The following FPGS variants were observed in gnomAD, a reference collection of about 807,000 sequenced individuals.
The protein encoded by FPGS is folylpolyglutamate synthase.
Under a neutral mutation model 66.5 loss-of-function variants are expected in FPGS, and 53 were observed. That is an observed-to-expected ratio of 0.80 (90% confidence interval 0.64 to 1.00). The LOEUF is 1.00. Among genes scored for constraint, FPGS ranks in the 50% least tolerant of loss-of-function variants. The pLI, the probability that FPGS is intolerant of heterozygous loss-of-function variation, is 0.00. For synonymous variants in FPGS, 348 were observed against 350.9 expected (o/e 0.99, Z 0.09); for missense variants, 702 against 807.7 (o/e 0.87, Z 1.59).
Position 127,813,867 on chromosome 9 carries a change from CCCAACACCCCGCCTGCCTCCT to C in FPGS, c.*264_*284del. 8.2e-7 allele frequency: 1 copy of C among 1,219,810 alleles called. No homozygotes were observed. Among genetic ancestry groups the C allele is most frequent in the African/African-American group, 1.6e-5 (1 of 64,064 alleles). The allele number at this position is 1,219,810 out of a possible 1,614,324, so 75.6% of individuals were successfully genotyped here. On this transcript the variant is annotated 3_prime_UTR_variant, in exon 15 of 15. Transcript: ENST00000373247. ...TGGCCTGGCCGTTCAGCCTGTCTCC[CCCAACACCCCGCCTGCCTCCT>C]GGCTCAGGCCCAGCTTATTGTGTGC... is the stretch of plus-strand genomic sequence containing the variant.
In FPGS at chr9:127,807,732, G is replaced by A. The variant is rs1163314739; in HGVS notation, c.744+44G>A. The stretch of plus-strand genomic sequence containing the variant: ...GGAAGGGAGAGACATGGAAGGCCTG[G>A]GAGTCTACGTTTTCATCCTGGCTTC... On this transcript the variant is annotated intron_variant, in intron 8 of 14. Coordinates refer to ENST00000373247, the MANE Select transcript of FPGS (RefSeq NM_004957.6). This position sits in a 1 kb window ranked among gnomAD's most constrained non-coding sequence, Gnocchi z 5.8. The A allele has an allele frequency of 2.3e-6, 3 of 1,292,690 alleles. No homozygotes were observed. Among genetic ancestry groups the A allele is most frequent in the Non-Finnish European group, 3.2e-6 (3 of 927,466 alleles). The allele number at this position is 1,292,690 out of a possible 1,614,324, so 80.1% of individuals were successfully genotyped here. A position where few individuals can be genotyped will look rare whatever the true frequency, so the allele number is the denominator to read the frequency against.
At chr9:127,809,995 G>A (rs1041781705) in intron 12 of FPGS, 36 bp from the exon 13 acceptor site, 6 of 1,584,322 alleles carry the variant, frequency 3.8e-6, no homozygotes, top group African/African-American at 1.3e-5. Flanking sequence ...GAGAACGGGC[G>A]GCGCCCTTTG....
In FPGS at chr9:127,807,256, C is replaced by G. The variant is rs747385141; in HGVS notation, c.549C>G (p.Leu183=). The change falls in exon 6 of 15, where the codon CTC becomes CTG. Residue 183 remains leucine, a synonymous_variant. Transcript: ENST00000373247. This position sits in a 1 kb window ranked among gnomAD's most constrained non-coding sequence, Gnocchi z 5.8. ...CCCCCTACTTCCGCTTCCTGACACT[C>G]ATGGCCTTCCACGTCTTCCTCCAAG... ...SMPPYFRFLT[L]MAFHVFLQEK... 2 of 1,614,088 alleles carry G rather than the reference C, an allele frequency of 1.2e-6. No homozygotes were observed. Among genetic ancestry groups the G allele is most frequent in the East Asian group, 4.5e-5 (2 of 44,890 alleles).
In FPGS at chr9:127,804,563, G is replaced by A; in HGVS notation, c.321+11G>A. 1 of 1,614,224 alleles carries A rather than the reference G, an allele frequency of 6.2e-7. No individual in the cohort carries two copies. ...GGGACGAAGGGGAAGGTGAGGGGCA[G>A]GACCCTGGGGTAGGGGGTCTATTAA... On this transcript the variant is annotated intron_variant, in intron 3 of 14. Transcript: ENST00000373247.
rs1829663801 is a variant in FPGS, at chr9:127,803,031, C to G, written c.107C>G (p.Pro36Arg). 1 of 1,453,688 alleles carries G rather than the reference C, an allele frequency of 6.9e-7. No individual in the cohort carries two copies. The allele number at this position is 1,453,688 out of a possible 1,614,324, so 90.0% of individuals were successfully genotyped here. A position where few individuals can be genotyped will look rare whatever the true frequency, so the allele number is the denominator to read the frequency against. ...VAARRGLSAW[P>R]VPQEPSMEYQ... ...GCGCGGCGGGGCTTGAGCGCGTGGC[C>G]GGTGCCGCAGGAGCCGAGCATGGAG... The change falls in exon 1 of 15, where the codon CCG (proline) becomes CGG (arginine). Residue 36 changes from proline to arginine, a missense_variant. Physicochemically the swap from Pro to Arg is moderately radical, Grantham distance 103. Transcript: ENST00000373247.
At position 127,813,861 on chromosome 9, in the gene FPGS, G is replaced by A; in HGVS notation, c.*257G>A. On this transcript the variant is annotated 3_prime_UTR_variant, in exon 15 of 15. Transcript: ENST00000373247. ...TTGCAGTGGCCTGGCCGTTCAGCCT[G>A]TCTCCCCCAACACCCCGCCTGCCTC... is the stretch of plus-strand genomic sequence containing the variant. The A allele has an allele frequency of 1.6e-6, 2 of 1,225,622 alleles. No homozygotes were observed. Among genetic ancestry groups the A allele is most frequent in the Non-Finnish European group, 2.0e-6 (2 of 984,340 alleles). The allele number at this position is 1,225,622 out of a possible 1,614,324, so 75.9% of individuals were successfully genotyped here.
At chr9:127,811,082 C>T (rs542854218) in intron 14 of FPGS, 71 bp downstream of exon 14, 30 of 854,286 alleles carry the variant, frequency 3.5e-5, no homozygotes, top group Non-Finnish European at 3.7e-6. Context: ...GGCTTCCAAA[C>T]TGGAGGTTTG....
At chr9:127,803,680 G>A (rs1169989095) in intron 1 of FPGS, among the ~76,000 whole-genome samples, 1 of 152,158 alleles carries the variant, frequency 6.6e-6, no homozygotes, top group Non-Finnish European at 1.5e-5. Flanking sequence ...GAGGTCCTGA[G>A]GGTGGGAGGC....
intron 11 of FPGS, 36 bp downstream of exon 11, chr9:127,808,925 CGT>C (rs1829946201): frequency 8.0e-7 from 1 of 1,250,084 alleles, no homozygotes; most frequent in Admixed American, 2.2e-5. Flanking sequence ...GGGACCACTG[CGT>C]GTGTCTGTGC....
At chr9:127,812,774 G>T (rs962044582) in intron 14 of FPGS, among the ~76,000 whole-genome samples, 2 of 152,006 alleles carry the variant, frequency 1.3e-5, no homozygotes, top group East Asian at 3.9e-4. Context: ...TGATCCGCCC[G>T]CCTCGGCCTC....
intron 4 of FPGS, 151 bp downstream of exon 4, chr9:127,804,851 A>C: frequency 1.4e-6 from 1 of 723,668 alleles, no homozygotes; most frequent in East Asian, 2.5e-5. Flanking sequence ...ACATTCAGTT[A>C]GCACTTACCA....
Position 127,813,782 on chromosome 9 carries a change from GTC to G in FPGS, c.*183_*184del. On this transcript the variant is annotated 3_prime_UTR_variant, in exon 15 of 15. Transcript: ENST00000373247. ...GTCTTTTTTAAGGCTCTGTGCCTTG[GTC>G]TCTCCTTCCTCTTGGCTGAGATAGC... The G allele has an allele frequency of 7.7e-7, 1 of 1,294,994 alleles. No individual in the cohort carries two copies. Among genetic ancestry groups the G allele is most frequent in the Non-Finnish European group, 9.7e-7 (1 of 1,027,560 alleles). The allele number at this position is 1,294,994 out of a possible 1,614,324, so 80.2% of individuals were successfully genotyped here. A position where few individuals can be genotyped will look rare whatever the true frequency, so the allele number is the denominator to read the frequency against.
chr9:127,807,565 T>C lies in FPGS; in HGVS notation c.642-21T>C, dbSNP rs745678309. On this transcript the variant is annotated intron_variant, in intron 7 of 14. Coordinates refer to ENST00000373247, the MANE Select transcript of FPGS (RefSeq NM_004957.6). The surrounding 1 kb of genome is among the most constrained non-coding windows in gnomAD (Gnocchi z 5.8). ...CCTGGTGGCTCAGGGCAGGGCCTCA[T>C]GGCCTTTTCCTCCCCTGCAGGAAGC... 3.7e-6 allele frequency: 6 copies of C among 1,612,704 alleles called. No individual in the cohort carries two copies. The highest frequency in any genetic ancestry group is 1.7e-5 in the Admixed American group (1 of 59,808).
At chr9:127,805,831 CT>C (rs1829785614) in intron 4 of FPGS, among the ~76,000 whole-genome samples, 1 of 152,190 alleles carries the variant, frequency 6.6e-6, no homozygotes, top group Non-Finnish European at 1.5e-5. Flanking sequence ...GCAGCGCCCC[CT>C]CTTGGTCTCA....
rs377363236 is a variant in FPGS at position 127,807,014 on chromosome 9, A to G, written c.428A>G (p.Asn143Ser). 2.2e-4 allele frequency: 349 copies of G among 1,614,150 alleles called. 1 individual carries two copies. Among genetic ancestry groups the G allele is most frequent in the Non-Finnish European group, 2.7e-4 (314 of 1,180,010 alleles). ...CAGGTTCGGGAGCGGATCCGCATCA[A>G]TGGGCAGCCCATCAGTCCTGAGCTC... ...LVQVRERIRI[N>S]GQPISPELFT... is the part of the protein sequence containing the mutation. The change falls in exon 5 of 15, where the codon AAT becomes AGT. Residue 143 changes from asparagine (N) to serine (S), a missense_variant. Asn to Ser is a conservative substitution (Grantham distance 46). Around this residue, in one of 3 missense-constraint regions of FPGS, gnomAD observed 240 missense variants for 348.6 expected, o/e 0.69. Coordinates refer to ENST00000373247, the MANE Select transcript of FPGS (RefSeq NM_004957.6). The surrounding 1 kb of genome is among the most constrained non-coding windows in gnomAD (Gnocchi z 5.8).
At chr9:127,804,880 G>T in intron 4 of FPGS, 180 bp downstream of exon 4, 1 of 616,596 alleles carries the variant, frequency 1.6e-6, no homozygotes, top group Non-Finnish European at 2.9e-6. Flanking sequence ...CATGTTTATG[G>T]CAACCTTTAA....
Position 127,807,633 on chromosome 9 carries a change from G to A in FPGS, c.689G>A (p.Ser230Asn). 2 of 1,606,332 alleles carry A rather than the reference G, an allele frequency of 1.2e-6. No homozygotes were observed. The highest frequency in any genetic ancestry group is 1.7e-6 in the Non-Finnish European group (2 of 1,177,882). Reference protein sequence around the residue: ...GVSSLGIDHTSLLGDTVEKIA... With the variant: ...GVSSLGIDHTNLLGDTVEKIA... Reference sequence around the variant, plus strand: ...TCCTCTCTTGGCATCGACCACACCAGCCTCCTGGGGGATACGGTGGAGAAG... The same window carrying A: ...TCCTCTCTTGGCATCGACCACACCAACCTCCTGGGGGATACGGTGGAGAAG... The change falls in exon 8 of 15, where the codon AGC (serine) becomes AAC (asparagine). Residue 230 changes from serine to asparagine, a missense_variant. Around this residue, in one of 3 missense-constraint regions of FPGS, gnomAD observed 240 missense variants for 348.6 expected, o/e 0.69. Coordinates refer to ENST00000373247, the MANE Select transcript of FPGS (RefSeq NM_004957.6). The surrounding 1 kb of genome is among the most constrained non-coding windows in gnomAD (Gnocchi z 5.8).
In FPGS at chr9:127,813,754, G is replaced by A. The variant is rs1055170779; in HGVS notation, c.*150G>A. The A allele has an allele frequency of 7.6e-7, 1 of 1,310,732 alleles. No individual in the cohort carries two copies. The highest frequency in any genetic ancestry group is 3.1e-5 in the East Asian group (1 of 32,568). 81.2% of individuals were successfully genotyped at this position (1,310,732 alleles called of 1,614,324 possible). ...GCTTTGGGATGGGAGGCCGGGAGAG[G>A]ATGTCTTTTTTAAGGCTCTGTGCCT... On this transcript the variant is annotated 3_prime_UTR_variant, in exon 15 of 15. Transcript: ENST00000373247.
chr9:127,804,616 A>G lies in FPGS; in HGVS notation c.322-20A>G, dbSNP rs753327046. 6.2e-6 allele frequency: 10 copies of G among 1,614,134 alleles called. No individual in the cohort carries two copies. Among genetic ancestry groups the G allele is most frequent in the Non-Finnish European group, 8.5e-6 (10 of 1,179,986 alleles). On this transcript the variant is annotated intron_variant, in intron 3 of 14. Transcript: ENST00000373247. ...GGCTGGTGGAGTAGAGCCTGCCCAGACAATCCCTTTTCTTTCAAGGGCTCC... is the reference window on the plus strand; with the variant it reads ...GGCTGGTGGAGTAGAGCCTGCCCAGGCAATCCCTTTTCTTTCAAGGGCTCC...
Sources: gnomAD v4.1 joint callset for allele counts (sites outside exome capture counted in the v4.1 genomes callset) on GRCh38, gnomAD v4.1.1 for gene constraint, gnomAD v4.1.1 regional missense constraint, Gnocchi (gnomAD v3.1) non-coding constraint, MANE v1.5 for transcripts, NCBI Gene and HGNC (gene_info 2026-07-23, HGNC 2026-07-21) for gene names.